MCTP2: variants seen among roughly 807,000 people sequenced by gnomAD.
The protein encoded by MCTP2 is multiple C2 and transmembrane domain-containing protein 2.
In MCTP2, 132 loss-of-function variants were observed where a neutral mutation model predicts 111.6. That is an observed-to-expected ratio of 1.18 (90% CI 1.03 to 1.37). The LOEUF (loss-of-function observed/expected upper bound fraction) is 1.37. Among genes scored for constraint, MCTP2 ranks in the 40% most tolerant of loss-of-function variants. The pLI is 0.00. For synonymous variants in MCTP2, 395 were observed against 387.7 expected (o/e 1.02, Z -0.22); for missense variants, 1,183 against 1,067.9 (o/e 1.11, Z -1.50).
Position 94,315,579 on chromosome 15 carries a change from G to T in MCTP2, c.579G>T (p.Ala193=), listed in dbSNP as rs146431277. The change falls in exon 4 of 23, where the codon GCG becomes GCT. Residue 193 remains alanine (A), a synonymous_variant. Coordinates refer to ENST00000357742, the MANE Select transcript of MCTP2 (RefSeq NM_001385001.1). ...TGAGTAACCTCCCCAGCCCTTTTGC[G>T]TACCTCCTCACCATACACCTGAAGG... ...DGLSNLPSPF[A]YLLTIHLKEG... is the part of the protein sequence containing the mutation. 1 of 1,613,982 alleles carries T rather than the reference G, an allele frequency of 6.2e-7. No individual in the cohort carries two copies. The highest frequency in any genetic ancestry group is 8.5e-7 in the Non-Finnish European group (1 of 1,180,010).
At chr15:94,402,752 A>G in intron 17 of MCTP2, 1 of 1,428,854 alleles carries the variant, frequency 7.0e-7, no homozygotes, top group Non-Finnish European at 9.1e-7. Flanking sequence ...GGGAGGAGAA[A>G]TCAAGTCTCC....
chr15:94,261,364 A>T (rs1255346358), intron 1 of MCTP2, among the ~76,000 whole-genome samples: 3 of 152,168 alleles, frequency 2.0e-5, no homozygotes, highest in Non-Finnish European at 4.4e-5. Flanking sequence ...CTACCACCTG[A>T]TTGGTAAAAC....
chr15:94,334,949 T>C (rs1049677542), intron 4 of MCTP2, among the ~76,000 whole-genome samples: 6 of 152,230 alleles, frequency 3.9e-5, no homozygotes, highest in Non-Finnish European at 8.8e-5. Context: ...CTAAATGGTT[T>C]AGATCACATA....
chr15:94,445,620 G>A (rs894987346), intron 19 of MCTP2, among the ~76,000 whole-genome samples: 1 of 152,100 alleles, frequency 6.6e-6, no homozygotes, highest in Admixed American at 6.5e-5. Flanking sequence ...TCCCACCGAG[G>A]TATGCTTGTC....
intron 17 of MCTP2, among the ~76,000 whole-genome samples, chr15:94,433,250 A>G (rs1369680878): frequency 6.6e-6 from 1 of 152,226 alleles, no homozygotes; most frequent in South Asian, 2.1e-4. Context: ...TTTAGCATGT[A>G]TACATTTTCA....
chr15:94,358,741 C>A, intron 10 of MCTP2, 129 bp downstream of exon 10: 1 of 1,065,004 alleles, frequency 9.4e-7, no homozygotes. Flanking sequence ...CATCAGTGAG[C>A]TGGATGGCCA....
At chr15:94,368,661 C>T (rs367636872) in intron 11 of MCTP2, among the ~76,000 whole-genome samples, 9 of 152,118 alleles carry the variant, frequency 5.9e-5, no homozygotes, top group Non-Finnish European at 1.2e-4. Context: ...ATGCAGAGTG[C>T]GCATGTGAGG....
chr15:94,440,031 G>C, intron 17 of MCTP2, 145 bp from the exon 18 acceptor site: 1 of 866,018 alleles, frequency 1.2e-6, no homozygotes, highest in African/African-American at 1.7e-5. Flanking sequence ...GTTGATCATT[G>C]TGTGTGTGCG....
intron 1 of MCTP2, among the ~76,000 whole-genome samples, chr15:94,275,665 C>T (rs975616946): frequency 1.3e-5 from 2 of 151,812 alleles, no homozygotes; most frequent in South Asian, 2.1e-4. Flanking sequence ...TGTTCTGGAC[C>T]CTTTACATTT....
At position 94,400,698 on chromosome 15, in the gene MCTP2, G is replaced by A. The variant is rs181416852; in HGVS notation, c.1965+703G>A. Among the ~76,000 whole-genome samples, 338 of 145,640 alleles carry A rather than the reference G, an allele frequency of 2.3e-3. 2 individuals are homozygous for A. The highest frequency in any genetic ancestry group is 8.4e-3 in the African/African-American group (329 of 39,098). Reference sequence around the variant, plus strand: ...CTCAGGATTTCACTTTGTACCTATCGTCCCTCTTCAATTGTATAACAAAGA... The same window carrying A: ...CTCAGGATTTCACTTTGTACCTATCATCCCTCTTCAATTGTATAACAAAGA... On this transcript the variant is annotated intron_variant, in intron 16 of 22. Coordinates refer to ENST00000357742, the MANE Select transcript of MCTP2 (RefSeq NM_001385001.1).
At chr15:94,303,722 A>G (rs898909301) in intron 2 of MCTP2, among the ~76,000 whole-genome samples, 3 of 152,160 alleles carry the variant, frequency 2.0e-5, no homozygotes, top group Non-Finnish European at 4.4e-5. Flanking sequence ...GGGTGGGGAC[A>G]CGGAGCAAAC....
intron 1 of MCTP2, among the ~76,000 whole-genome samples, chr15:94,238,513 GA>G (rs544690740): frequency 1.3e-4 from 19 of 148,094 alleles, no homozygotes; most frequent in Admixed American, 4.7e-4. Flanking sequence ...GTAGCTAGGA[GA>G]AAAAAAAAAG....
chr15:94,468,067 T>A (rs987830645), intron 20 of MCTP2, among the ~76,000 whole-genome samples: 1 of 151,588 alleles, frequency 6.6e-6, no homozygotes, highest in African/African-American at 2.4e-5. Flanking sequence ...ATAATTTTTA[T>A]GTTAATCATA....
chr15:94,439,647 C>T (rs1236857346), intron 17 of MCTP2, among the ~76,000 whole-genome samples: 1 of 152,094 alleles, frequency 6.6e-6, no homozygotes, highest in Admixed American at 6.5e-5. Flanking sequence ...AATTGGGCAG[C>T]TAAGGGCATA....
intron 1 of MCTP2, among the ~76,000 whole-genome samples, chr15:94,297,735 A>G (rs570772926): frequency 1.3e-5 from 2 of 152,208 alleles, no homozygotes; most frequent in Non-Finnish European, 1.5e-5. Flanking sequence ...GACAGACACC[A>G]TCTGGCCCAC....
At chr15:94,467,630 A>AT (rs2073500301) in intron 20 of MCTP2, among the ~76,000 whole-genome samples, 1 of 151,670 alleles carries the variant, frequency 6.6e-6, no homozygotes, top group African/African-American at 2.4e-5. Flanking sequence ...TTATTTCGAG[A>AT]TTTTTCAACA....
chr15:94,357,064 C>T (rs1337382572), intron 9 of MCTP2, among the ~76,000 whole-genome samples: 1 of 152,012 alleles, frequency 6.6e-6, no homozygotes, highest in Non-Finnish European at 1.5e-5. Flanking sequence ...AAAAAAAAAT[C>T]AGTGGACGAT....
Position 94,442,924 on chromosome 15 carries a change from C to G in MCTP2, c.2214C>G (p.Ser738Arg). Residue 738 changes from serine (S) to arginine (R), a missense_variant, in exon 19 of 23, where the codon AGC becomes AGG. Ser to Arg is a moderately radical substitution (Grantham distance 110, BLOSUM62 -1). Transcript: ENST00000357742. ...CACGTGGGATTTCCTTTCAGGAGAG[C>G]ACAGACATAGATGACGAGGAGGATG... ...KVSSIQDSQE[S>R]TDIDDEEDED... The G allele has an allele frequency of 6.2e-7, 1 of 1,613,080 alleles. No homozygotes were observed. The highest frequency in any genetic ancestry group is 8.5e-7 in the Non-Finnish European group (1 of 1,179,502).
chr15:94,378,732 T>A (rs2079923049), intron 12 of MCTP2, among the ~76,000 whole-genome samples: 1 of 152,190 alleles, frequency 6.6e-6, no homozygotes, highest in Non-Finnish European at 1.5e-5. Flanking sequence ...GGTGAGCAGG[T>A]CTTTGCCTGT....
Sources: allele counts gnomAD v4.1 joint callset (sites outside exome capture counted in the v4.1 genomes callset), GRCh38; gene constraint gnomAD v4.1.1; transcripts MANE v1.5; gene names NCBI Gene and HGNC (gene_info 2026-07-23, HGNC 2026-07-21).